Variants in RGS7 observed in about 807,000 individuals in gnomAD.
The protein encoded by RGS7 is regulator of G protein signaling 7, also known as regulator of G-protein signaling 7.
Under a neutral mutation model 81.1 loss-of-function variants are expected in RGS7, and 27 were observed. That is an observed-to-expected ratio of 0.33 (90% CI 0.25 to 0.46). RGS7 has a LOEUF of 0.46. RGS7 is among the 20% of genes least tolerant of loss of function. The pLI, the probability that RGS7 is intolerant of heterozygous loss-of-function variation, is 1.00. For synonymous variants in RGS7, 208 were observed against 207.7 expected (o/e 1.00, Z -0.01); for missense variants, 396 against 607.4 (o/e 0.65, Z 3.66).
At chr1:240,790,812 A>T (rs1685874153) in intron 18 of RGS7, among the ~76,000 whole-genome samples, 1 of 152,158 alleles carries the variant, frequency 6.6e-6, no homozygotes, top group African/African-American at 2.4e-5. Flanking sequence ...TCAATTCTGA[A>T]ACTGCAAAAA....
chr1:240,949,866 A>AAAAAAAAAAAAAAAAT (rs1679267301), intron 4 of RGS7, among the ~76,000 whole-genome samples: 1 of 151,206 alleles, frequency 6.6e-6, no homozygotes. Context: ...AAAAAAAAAA[A>AAAAAAAAAAAAAAAAT]AGCCAACGAT....
chr1:240,879,668 G>A (rs1200044564), intron 6 of RGS7, among the ~76,000 whole-genome samples: 1 of 152,058 alleles, frequency 6.6e-6, no homozygotes, highest in Admixed American at 6.5e-5. Flanking sequence ...TCATATCTTT[G>A]TACAAATGCT....
chr1:241,329,120 C>T (rs887882666), intron 2 of RGS7, among the ~76,000 whole-genome samples: 1 of 152,162 alleles, frequency 6.6e-6, no homozygotes, highest in Non-Finnish European at 1.5e-5. Flanking sequence ...ATGCCAATAA[C>T]ATTCAGTCTA....
Position 241,271,157 on chromosome 1 carries a change from C to T in RGS7, c.78+84542G>A, listed in dbSNP as rs925824343. 3.3e-5 allele frequency among the ~76,000 whole-genome samples: 5 copies of T among 152,072 alleles called. No homozygotes were observed. The highest frequency in any genetic ancestry group is 2.6e-4 in the Admixed American group (4 of 15,270). On this transcript the variant is annotated intron_variant, in intron 2 of 18. Transcript: ENST00000440928. This position sits in a 1 kb window ranked among gnomAD's most constrained non-coding sequence, Gnocchi z 4.6. ...AGTATTTTCTATTGGCGGGAACTTA[C>T]GTGGCTAAAACGTCTCCTTTATAAT...
intron 2 of RGS7, among the ~76,000 whole-genome samples, chr1:241,124,850 A>G (rs1244233903): frequency 6.6e-6 from 1 of 152,250 alleles, no homozygotes; most frequent in Non-Finnish European, 1.5e-5. Flanking sequence ...AGGTAGGCAG[A>G]GGCAAAAGCC....
At chr1:241,312,432 G>A (rs191489936) in intron 2 of RGS7, among the ~76,000 whole-genome samples, 1 of 152,182 alleles carries the variant, frequency 6.6e-6, no homozygotes, top group East Asian at 1.9e-4. Flanking sequence ...CCAACAACAG[G>A]TGCTCACTCT....
Position 241,134,952 on chromosome 1 carries a change from C to CCCCGGCCGGAAGACA in RGS7, c.79-36191_79-36190insTGTCTTCCGGCCGGG, listed in dbSNP as rs1558115635. 2.0e-3 allele frequency among the ~76,000 whole-genome samples: 305 copies of CCCCGGCCGGAAGACA among 150,496 alleles called. 3 individuals are homozygous for CCCCGGCCGGAAGACA. The highest frequency in any genetic ancestry group is 5.9e-3 in the African/African-American group (243 of 40,998). Reference sequence around the variant, plus strand: ...ACCTACCCCGGCCGGAAGACACCTACCCTGGCCGGAAGACACCTACCTCTG... The same window carrying CCCCGGCCGGAAGACA: ...ACCTACCCCGGCCGGAAGACACCTACCCCGGCCGGAAGACACCTGGCCGGAAGACACCTACCTCTG... On this transcript the variant is annotated intron_variant, in intron 2 of 18. Coordinates refer to ENST00000440928, the MANE Select transcript of RGS7 (RefSeq NM_001364886.1).
intron 3 of RGS7, among the ~76,000 whole-genome samples, chr1:241,076,647 T>C (rs1320596529): frequency 6.6e-6 from 1 of 152,208 alleles, no homozygotes; most frequent in Non-Finnish European, 1.5e-5. Context: ...TTAGTGTTCA[T>C]TCATTTAGAT....
At chr1:241,312,674 CG>C in intron 2 of RGS7, among the ~76,000 whole-genome samples, 1 of 152,258 alleles carries the variant, frequency 6.6e-6, no homozygotes, top group East Asian at 1.9e-4. Flanking sequence ...TCCCACTCCT[CG>C]GGCCCCTCTA....
Position 240,967,573 on chromosome 1 carries a change from G to A in RGS7, c.226+15506C>T, listed in dbSNP as rs538618039. ...AAAGTGATTGTGCCAAGAAGTGGGG[G>A]GGGGGGGGAAAAGGCTGTAGCAAGA... On this transcript the variant is annotated intron_variant, in intron 4 of 18. Transcript: ENST00000440928. Among the ~76,000 whole-genome samples, 19 of 131,314 alleles carry A rather than the reference G, an allele frequency of 1.4e-4. 1 individual carries two copies. Among genetic ancestry groups the A allele is most frequent in the African/African-American group, 4.0e-4 (15 of 37,742 alleles). The allele number at this position is 131,314 out of a possible 152,430, so 86.1% of individuals were successfully genotyped here.
At position 240,783,093 on chromosome 1, in the gene RGS7, CAG is replaced by C. The variant is rs139799204; in HGVS notation, c.*7-6882_*7-6881del. On this transcript the variant is annotated intron_variant, in intron 18 of 18. Transcript: ENST00000440928. ...AGACTTCAGCTGGCACGTAAGTGAA[CAG>C]AGAGCATCATCCTAGTCTATAATAC... is the stretch of plus-strand genomic sequence containing the variant. Among the ~76,000 whole-genome samples the C allele has an allele frequency of 2.6e-5, 4 of 152,252 alleles. No individual in the cohort carries two copies. The East Asian group carries it at 7.8e-4, about 30-fold the overall frequency.
intron 2 of RGS7, among the ~76,000 whole-genome samples, chr1:241,121,923 C>A (rs2066292447): frequency 2.0e-5 from 3 of 151,882 alleles, no homozygotes; most frequent in African/African-American, 7.3e-5. Context: ...AGGCTGGTTT[C>A]AAATTCCCGA....
intron 2 of RGS7, among the ~76,000 whole-genome samples, chr1:241,269,340 C>T (rs1256072594): frequency 2.6e-5 from 4 of 152,354 alleles, no homozygotes; most frequent in Non-Finnish European, 4.4e-5. Flanking sequence ...TACAGCAATA[C>T]CTGGAGCATG....
intron 12 of RGS7, among the ~76,000 whole-genome samples, chr1:240,814,291 CT>C (rs1013486926): frequency 3.3e-5 from 5 of 152,194 alleles, no homozygotes; most frequent in Non-Finnish European, 1.5e-5. Flanking sequence ...AGGAAAATAT[CT>C]GAAATTTGAG....
chr1:241,016,578 A>C (rs375743621), intron 3 of RGS7, among the ~76,000 whole-genome samples: 3 of 151,768 alleles, frequency 2.0e-5, no homozygotes, highest in Non-Finnish European at 4.4e-5. Context: ...CAAAAAAAAA[A>C]CCCCATAACA....
At chr1:241,324,758 C>T (rs570448956) in intron 2 of RGS7, among the ~76,000 whole-genome samples, 1 of 152,268 alleles carries the variant, frequency 6.6e-6, no homozygotes, top group South Asian at 2.1e-4. Context: ...TTTCCTTGCC[C>T]AGGATCTTTT....
At chr1:241,055,977 T>A (rs1175451696) in intron 3 of RGS7, among the ~76,000 whole-genome samples, 1 of 152,214 alleles carries the variant, frequency 6.6e-6, no homozygotes, top group Admixed American at 6.5e-5. Flanking sequence ...TAAGTTAGGC[T>A]ATGTGTGTAT....
At chr1:240,853,653 CCCAGCA>C (rs968375958) in intron 9 of RGS7, among the ~76,000 whole-genome samples, 47 of 152,006 alleles carry the variant, frequency 3.1e-4, no homozygotes, top group African/African-American at 1.1e-3. Flanking sequence ...CGCCTGAAAC[CCCAGCA>C]CTTTGGGAGG....
intron 9 of RGS7, among the ~76,000 whole-genome samples, chr1:240,846,019 C>T (rs972840806): frequency 5.9e-5 from 9 of 152,074 alleles, no homozygotes; most frequent in Non-Finnish European, 1.0e-4. Context: ...TAATGTCATC[C>T]AAAAGGATGT....
Sources: gnomAD v4.1 joint callset for allele counts (sites outside exome capture counted in the v4.1 genomes callset) on GRCh38, gnomAD v4.1.1 for gene constraint, Gnocchi (gnomAD v3.1) non-coding constraint, MANE v1.5 for transcripts, NCBI Gene and HGNC (gene_info 2026-07-23, HGNC 2026-07-21) for gene names.